Variants in LINGO2 observed in about 807,000 individuals in gnomAD.
The protein encoded by LINGO2 is leucine-rich repeat and immunoglobulin-like domain-containing nogo receptor-interacting protein 2.
LINGO2 carries 14 observed loss-of-function variants against 30.6 expected under a neutral mutation model. The ratio of observed to expected loss-of-function variants is 0.46; its 90% CI spans 0.30 to 0.72. The LOEUF is 0.72. Among genes scored for constraint, LINGO2 ranks in the 30% least tolerant of loss-of-function variants. The probability of loss-of-function intolerance (pLI) is 0.07; values close to 1 mark genes in which losing one functional copy is unlikely to be tolerated. For synonymous variants in LINGO2, 317 were observed against 288.5 expected (o/e 1.10, Z -1.00); for missense variants, 729 against 751.7 (o/e 0.97, Z 0.35).
chr9:28,573,583 A>C (rs1823811026), intron 1 of LINGO2, among the ~76,000 whole-genome samples: 2 of 152,174 alleles, frequency 1.3e-5, no homozygotes, highest in African/African-American at 4.8e-5. Flanking sequence ...ACTATATAGT[A>C]TTAAATGTCA....
chr9:28,774,045 C>CACAT, the LINGO2 span, among the ~76,000 whole-genome samples: 1 of 5,586 alleles, frequency 1.8e-4, no homozygotes, highest in Non-Finnish European at 3.9e-4. Context: ...TTTTGATACA[C>CACAT]ACACACACAC....
At chr9:29,161,629 G>A in the LINGO2 span, among the ~76,000 whole-genome samples, 1 of 152,120 alleles carries the variant, frequency 6.6e-6, no homozygotes, top group South Asian at 2.1e-4. Context: ...TAGGTAGGAG[G>A]TAGAGCCTGA....
the LINGO2 span, among the ~76,000 whole-genome samples, chr9:29,084,870 A>G: frequency 1.3e-5 from 2 of 152,064 alleles, no homozygotes; most frequent in South Asian, 2.1e-4. Flanking sequence ...AATCCAGAGT[A>G]CCTGCTCCAT....
intron 4 of LINGO2, among the ~76,000 whole-genome samples, chr9:28,275,775 C>A (rs771701680): frequency 1.3e-5 from 2 of 152,132 alleles, no homozygotes; most frequent in South Asian, 4.1e-4. Flanking sequence ...TAGAGATCGA[C>A]CTTTAATGTT....
chr9:28,226,697 A>AAGAGAGAAAG (rs397959895), intron 4 of LINGO2, among the ~76,000 whole-genome samples: 4 of 60,564 alleles, frequency 6.6e-5, no homozygotes, highest in Admixed American at 1.6e-4. Context: ...GAAAGAAAGA[A>AAGAGAGAAAG]AGAAAGAGAA....
chr9:28,319,688 T>A (rs1204109578), intron 3 of LINGO2, among the ~76,000 whole-genome samples: 3 of 152,140 alleles, frequency 2.0e-5, no homozygotes, highest in Non-Finnish European at 1.5e-5. Context: ...AATAGATTGG[T>A]TGTTTCCAGG....
the LINGO2 span, among the ~76,000 whole-genome samples, chr9:28,825,487 C>T: frequency 6.6e-6 from 1 of 151,328 alleles, no homozygotes; most frequent in African/African-American, 2.4e-5. Flanking sequence ...CTCACACTGA[C>T]GTCAAGAACT....
chr9:27,979,401 C>T (rs1330336356), intron 5 of LINGO2, among the ~76,000 whole-genome samples: 2 of 151,906 alleles, frequency 1.3e-5, no homozygotes, highest in Non-Finnish European at 2.9e-5. Flanking sequence ...TGGTATACTC[C>T]TGGGTCACTG....
At chr9:28,197,712 T>TAA (rs1245701398) in intron 4 of LINGO2, among the ~76,000 whole-genome samples, 2 of 151,806 alleles carry the variant, frequency 1.3e-5, no homozygotes, top group African/African-American at 4.8e-5. Flanking sequence ...TAAATGAAAT[T>TAA]TAGAAAAATT....
At chr9:29,202,235 G>T in the LINGO2 span, among the ~76,000 whole-genome samples, 1 of 151,858 alleles carries the variant, frequency 6.6e-6, no homozygotes, top group African/African-American at 2.4e-5. Flanking sequence ...AAAGTAGAGA[G>T]ATTCCAGGAA....
At chr9:28,599,885 A>G (rs1007006297) in intron 1 of LINGO2, among the ~76,000 whole-genome samples, 4 of 152,188 alleles carry the variant, frequency 2.6e-5, no homozygotes, top group Non-Finnish European at 4.4e-5. Context: ...CAAGGAAACA[A>G]GAGAAACCAT....
intron 5 of LINGO2, among the ~76,000 whole-genome samples, chr9:28,003,175 G>C (rs954403705): frequency 2.6e-5 from 4 of 152,048 alleles, no homozygotes; most frequent in African/African-American, 9.7e-5. Flanking sequence ...ATTTGCTTTT[G>C]GACTGCATGG....
chr9:28,975,402 C>G, the LINGO2 span, among the ~76,000 whole-genome samples: 3 of 152,232 alleles, frequency 2.0e-5, no homozygotes, highest in African/African-American at 2.4e-5. Flanking sequence ...TAGAGAACTT[C>G]CAGAATGACT....
intron 1 of LINGO2, among the ~76,000 whole-genome samples, chr9:28,502,355 GC>G (rs1192069128): frequency 1.3e-5 from 2 of 151,806 alleles, no homozygotes; most frequent in Non-Finnish European, 2.9e-5. Flanking sequence ...TCTCTTGTCT[GC>G]CCAAATAATC....
chr9:29,188,144 T>A, the LINGO2 span, among the ~76,000 whole-genome samples: 1 of 151,192 alleles, frequency 6.6e-6, no homozygotes. Context: ...TCTCTGGTTT[T>A]CCTAGGCAGA....
intron 4 of LINGO2, among the ~76,000 whole-genome samples, chr9:28,044,725 C>G (rs1279528928): frequency 6.6e-6 from 1 of 151,986 alleles, no homozygotes; most frequent in African/African-American, 2.4e-5. Flanking sequence ...AACAAAAAGT[C>G]CAAACTGGAA....
chr9:28,959,785 T>C, the LINGO2 span, among the ~76,000 whole-genome samples: 20 of 152,266 alleles, frequency 1.3e-4, no homozygotes, highest in African/African-American at 3.4e-4. Context: ...TGGAAGAAAG[T>C]ATAAATGTCA....
intron 1 of LINGO2, among the ~76,000 whole-genome samples, chr9:28,608,462 T>G (rs1825782298): frequency 6.6e-6 from 1 of 152,026 alleles, no homozygotes; most frequent in South Asian, 2.1e-4. Flanking sequence ...TTTCATTACA[T>G]AAACCCCCTG....
intron 3 of LINGO2, among the ~76,000 whole-genome samples, chr9:28,302,862 G>T (rs1289015762): frequency 6.6e-6 from 1 of 152,142 alleles, no homozygotes; most frequent in Non-Finnish European, 1.5e-5. Flanking sequence ...CTGGGAGACA[G>T]GTACTACTTC....
Sources: gnomAD v4.1 joint callset for allele counts (sites outside exome capture counted in the v4.1 genomes callset) on GRCh38, gnomAD v4.1.1 for gene constraint, MANE v1.5 for transcripts, NCBI Gene and HGNC (gene_info 2026-07-23, HGNC 2026-07-21) for gene names.